Variants in HDAC8 observed in about 807,000 individuals in gnomAD.
The protein encoded by HDAC8 is histone deacetylase 8, also known as histone deacetylase-like 1.
HDAC8 carries 1 observed loss-of-function variant against 32.2 expected under a neutral mutation model. The ratio of observed to expected loss-of-function variants is 0.03; its 90% CI spans 0.01 to 0.15. The LOEUF (loss-of-function observed/expected upper bound fraction) is 0.15. Among genes scored for constraint, HDAC8 ranks in the 10% least tolerant of loss-of-function variants. HDAC8 has a pLI of 1.00. For synonymous variants in HDAC8, 108 were observed against 113.9 expected (o/e 0.95, Z 0.33); for missense variants, 117 against 300.0 (o/e 0.39, Z 4.51).
At chrX:72,389,041 T>A (rs1327399436) in intron 9 of HDAC8, among the ~76,000 whole-genome samples, 1 of 112,445 alleles carries the variant, frequency 8.9e-6, no homozygotes, top group African/African-American at 3.2e-5. Context: ...TACTTGTTTA[T>A]GCACTGTCTT....
chrX:72,533,600 T>C (rs2050422215), intron 4 of HDAC8, among the ~76,000 whole-genome samples: 1 of 111,842 alleles, frequency 8.9e-6, no homozygotes, highest in Non-Finnish European at 1.9e-5. Context: ...CTTATGAATA[T>C]AGATACAAAA....
At chrX:72,355,446 T>C (rs782814359) in intron 9 of HDAC8, among the ~76,000 whole-genome samples, 12 of 111,619 alleles carry the variant, frequency 1.1e-4, no homozygotes, top group Non-Finnish European at 2.3e-4. Flanking sequence ...TCAGCACTTC[T>C]TTTGCTTTCT....
chrX:72,417,933 A>C (rs1473901726), intron 9 of HDAC8, among the ~76,000 whole-genome samples: 1 of 111,799 alleles, frequency 8.9e-6, no homozygotes, highest in East Asian at 2.8e-4. Flanking sequence ...CAACCAACTA[A>C]TTTTTTACAA....
chrX:72,489,085 G>A (rs1556007605), intron 6 of HDAC8, 44 bp from the exon 7 acceptor site: 1 of 936,881 alleles, frequency 1.1e-6, no homozygotes, highest in East Asian at 3.2e-5. Flanking sequence ...AGGAACATGA[G>A]AACCCAGAAA....
chrX:72,367,787 T>C (rs782216858), intron 9 of HDAC8, among the ~76,000 whole-genome samples: 3 of 112,763 alleles, frequency 2.7e-5, no homozygotes, highest in East Asian at 5.6e-4. Flanking sequence ...GCCTAGCCCA[T>C]GGAGTTCAGG....
intron 9 of HDAC8, among the ~76,000 whole-genome samples, chrX:72,362,575 A>G (rs1243718463): frequency 8.9e-6 from 1 of 112,389 alleles, no homozygotes. Context: ...AACAGAACCT[A>G]CCTTTTAGGA....
At chrX:72,547,695 A>C (rs2050905817) in intron 4 of HDAC8, among the ~76,000 whole-genome samples, 1 of 111,459 alleles carries the variant, frequency 9.0e-6, no homozygotes, top group Admixed American at 9.6e-5. Context: ...CACTTACTAA[A>C]CTTCAGCAAG....
intron 10 of HDAC8, among the ~76,000 whole-genome samples, chrX:72,332,706 CA>C (rs1360016549): frequency 9.2e-6 from 1 of 109,143 alleles, no homozygotes; most frequent in Non-Finnish European, 1.9e-5. Flanking sequence ...GGCTGGAGTG[CA>C]GTGGTGCGAT....
At chrX:72,335,493 A>AT (rs2043655977) in intron 10 of HDAC8, among the ~76,000 whole-genome samples, 1 of 111,910 alleles carries the variant, frequency 8.9e-6, no homozygotes, top group African/African-American at 3.3e-5. Flanking sequence ...TTGATAGCTC[A>AT]TTTTTTCTTA....
intron 5 of HDAC8, among the ~76,000 whole-genome samples, chrX:72,494,102 G>T (rs1270161166): frequency 8.9e-6 from 1 of 111,792 alleles, no homozygotes; most frequent in African/African-American, 3.2e-5. Flanking sequence ...TTTGAGCAAG[G>T]CTATGTTTTG....
At chrX:72,410,889 T>G (rs2046172237) in intron 9 of HDAC8, among the ~76,000 whole-genome samples, 1 of 111,613 alleles carries the variant, frequency 9.0e-6, no homozygotes, top group South Asian at 3.8e-4. Context: ...CTGGCCTACA[T>G]GGCTCCCACA....
intron 10 of HDAC8, among the ~76,000 whole-genome samples, chrX:72,334,648 C>T (rs2043628711): frequency 8.9e-6 from 1 of 112,020 alleles, no homozygotes; most frequent in Non-Finnish European, 1.9e-5. Flanking sequence ...AAATGACTGA[C>T]ATTTTAAAAG....
chrX:72,444,565 C>T (rs1400281874), intron 9 of HDAC8, among the ~76,000 whole-genome samples: 1 of 102,393 alleles, frequency 9.8e-6, no homozygotes, highest in Non-Finnish European at 2.0e-5. Flanking sequence ...TATGACAAAC[C>T]CACAGCCAAT....
chrX:72,467,704 T>A (rs1017443038), intron 7 of HDAC8: 4 of 309,637 alleles, frequency 1.3e-5, no homozygotes, highest in Non-Finnish European at 2.2e-5. Context: ...ATAATTAGAT[T>A]TCCATTTTAA....
chrX:72,458,708 C>T (rs1473350192), intron 9 of HDAC8, among the ~76,000 whole-genome samples: 2 of 111,935 alleles, frequency 1.8e-5, no homozygotes, highest in African/African-American at 6.5e-5. Flanking sequence ...ACAACCAAAA[C>T]AATGATGACC....
chrX:72,526,469 G>A (rs1556032294), intron 4 of HDAC8, among the ~76,000 whole-genome samples: 2 of 110,691 alleles, frequency 1.8e-5, no homozygotes, highest in African/African-American at 6.6e-5. Context: ...TCTGTATCTT[G>A]GTTTTCCTTT....
intron 9 of HDAC8, among the ~76,000 whole-genome samples, chrX:72,393,294 G>C (rs2045662770): frequency 1.8e-5 from 2 of 111,550 alleles, no homozygotes; most frequent in African/African-American, 6.5e-5. Context: ...GAAAGAAAAG[G>C]AGGGCCAGAA....
chrX:72,494,007 C>T, intron 5 of HDAC8, among the ~76,000 whole-genome samples: 1 of 111,661 alleles, frequency 9.0e-6, no homozygotes, highest in East Asian at 2.8e-4. Context: ...CATTCTTAAC[C>T]ATTCTTAGCT....
At chrX:72,480,283 T>C (rs1475323444) in intron 7 of HDAC8, among the ~76,000 whole-genome samples, 5 of 112,568 alleles carry the variant, frequency 4.4e-5, no homozygotes, top group Non-Finnish European at 9.4e-5. Context: ...ATCAAGGTAG[T>C]GTAGCTGTGA....
Sources: gnomAD v4.1 joint callset for allele counts (sites outside exome capture counted in the v4.1 genomes callset) on GRCh38, gnomAD v4.1.1 for gene constraint, MANE v1.5 for transcripts, NCBI Gene and HGNC (gene_info 2026-07-23, HGNC 2026-07-21) for gene names.